IQCJ: variants seen among roughly 807,000 people sequenced by gnomAD.
IQCJ encodes IQ motif containing J.
A neutral mutation model predicts 11.0 loss-of-function variants in IQCJ; 9 were observed. That is an observed-to-expected ratio of 0.82 (90% CI 0.49 to 1.43). The LOEUF (loss-of-function observed/expected upper bound fraction) is 1.43, where lower values mean the gene tolerates loss of function less well. Ranked by LOEUF, IQCJ falls within the 40% of genes most tolerant of loss-of-function variation. IQCJ has a pLI of 0.00. For synonymous variants in IQCJ, 55 were observed against 51.3 expected (o/e 1.07, Z -0.31); for missense variants, 146 against 133.2 (o/e 1.10, Z -0.47).
At chr3:159,085,508 G>A (rs1040721619) in intron 1 of IQCJ, among the ~76,000 whole-genome samples, 1 of 150,774 alleles carries the variant, frequency 6.6e-6, no homozygotes, top group African/African-American at 2.4e-5. Flanking sequence ...CTTCCACAAT[G>A]GTTGAACTGG....
intron 1 of IQCJ, chr3:159,069,843 T>TATGTCACAA: frequency 3.3e-6 from 1 of 299,520 alleles, no homozygotes; most frequent in Non-Finnish European, 6.6e-6. Flanking sequence ...CCCTCCTTTC[T>TATGTCACAA]TGTGTGTGTG....
At chr3:159,123,032 G>A (rs1559994109) in intron 1 of IQCJ, among the ~76,000 whole-genome samples, 1 of 152,042 alleles carries the variant, frequency 6.6e-6, no homozygotes, top group Non-Finnish European at 1.5e-5. Context: ...AGAGGCAGGG[G>A]AACTAGAATT....
chr3:159,121,300 A>T (rs2108141338), intron 1 of IQCJ, among the ~76,000 whole-genome samples: 1 of 151,794 alleles, frequency 6.6e-6, no homozygotes, highest in African/African-American at 2.4e-5. Context: ...TGCCCGGCTA[A>T]TCAAAAAAAT....
intron 1 of IQCJ, among the ~76,000 whole-genome samples, chr3:159,111,003 G>A (rs1718589507): frequency 6.6e-6 from 1 of 152,188 alleles, no homozygotes; most frequent in African/African-American, 2.4e-5. Context: ...GAGGCTTTCA[G>A]CAAACCTTAT....
chr3:159,082,735 T>G (rs1277768666), intron 1 of IQCJ, among the ~76,000 whole-genome samples: 1 of 152,038 alleles, frequency 6.6e-6, no homozygotes, highest in Non-Finnish European at 1.5e-5. Context: ...CCCATCTAAG[T>G]TGTTTATGCA....
intron 1 of IQCJ, among the ~76,000 whole-genome samples, chr3:159,223,652 G>C: frequency 6.6e-6 from 1 of 152,096 alleles, no homozygotes; most frequent in East Asian, 1.9e-4. Flanking sequence ...ATATGTTCCA[G>C]CTCTGTCTAC....
intron 1 of IQCJ, among the ~76,000 whole-genome samples, chr3:159,071,209 A>G (rs1715539039): frequency 6.6e-6 from 1 of 152,038 alleles, no homozygotes; most frequent in South Asian, 2.1e-4. Context: ...TTAAAGTATA[A>G]TAGTACAGTA....
At chr3:159,109,132 A>C (rs1718455152) in intron 1 of IQCJ, among the ~76,000 whole-genome samples, 1 of 152,206 alleles carries the variant, frequency 6.6e-6, no homozygotes, top group East Asian at 1.9e-4. Flanking sequence ...GCTGAGTGGA[A>C]CCCAGGTTGA....
intron 1 of IQCJ, among the ~76,000 whole-genome samples, chr3:159,207,529 G>A (rs772136036): frequency 1.1e-3 from 168 of 151,998 alleles, no homozygotes; most frequent in Non-Finnish European, 2.1e-3. Context: ...AAAAATAGAT[G>A]ACTTTGAAAC....
At chr3:159,141,373 A>G (rs1252814849) in intron 1 of IQCJ, among the ~76,000 whole-genome samples, 5 of 152,200 alleles carry the variant, frequency 3.3e-5, no homozygotes, top group African/African-American at 1.2e-4. Context: ...AGGACCCAGT[A>G]GGCTGTATTA....
At chr3:159,210,060 G>C (rs1724869035) in intron 1 of IQCJ, among the ~76,000 whole-genome samples, 1 of 152,216 alleles carries the variant, frequency 6.6e-6, no homozygotes, top group African/African-American at 2.4e-5. Flanking sequence ...CATGAACCCA[G>C]AGGAAGGGAC....
chr3:159,144,838 A>C (rs901093749), intron 1 of IQCJ, among the ~76,000 whole-genome samples: 6 of 152,238 alleles, frequency 3.9e-5, no homozygotes, highest in African/African-American at 1.2e-4. Context: ...TCCTTAAAGA[A>C]TCAGATACGA....
intron 1 of IQCJ, among the ~76,000 whole-genome samples, chr3:159,147,466 A>G (rs1412357474): frequency 6.6e-6 from 1 of 152,190 alleles, no homozygotes; most frequent in Non-Finnish European, 1.5e-5. Flanking sequence ...AAGAATAAAT[A>G]TGAACTTCCA....
intron 1 of IQCJ, among the ~76,000 whole-genome samples, chr3:159,202,990 T>G (rs1724441671): frequency 6.6e-6 from 1 of 152,088 alleles, no homozygotes. Context: ...TAAGGTACAA[T>G]GGGTTTTTAA....
chr3:159,233,149 A>G (rs1472378690), intron 1 of IQCJ, among the ~76,000 whole-genome samples: 20 of 152,070 alleles, frequency 1.3e-4, no homozygotes, highest in Admixed American at 1.3e-3. Flanking sequence ...CAAGTTTTTG[A>G]GTTCATGATC....
At chr3:159,126,688 C>A (rs962756678) in intron 1 of IQCJ, among the ~76,000 whole-genome samples, 59 of 152,208 alleles carry the variant, frequency 3.9e-4, no homozygotes, top group Non-Finnish European at 5.9e-4. Context: ...TGGATGAGAG[C>A]ACACCCAATG....
chr3:159,184,781 G>C (rs1041608484), intron 1 of IQCJ, among the ~76,000 whole-genome samples: 1 of 152,128 alleles, frequency 6.6e-6, no homozygotes, highest in African/African-American at 2.4e-5. Flanking sequence ...TTCTGTTGTA[G>C]AGAACAGAAT....
chr3:159,191,104 C>A (rs1201389100), intron 1 of IQCJ, among the ~76,000 whole-genome samples: 1 of 152,170 alleles, frequency 6.6e-6, no homozygotes, highest in Non-Finnish European at 1.5e-5. Flanking sequence ...AAACGCAACT[C>A]CTCCTAGCCT....
At chr3:159,231,286 C>G (rs1726231985) in intron 1 of IQCJ, among the ~76,000 whole-genome samples, 1 of 152,168 alleles carries the variant, frequency 6.6e-6, no homozygotes, top group African/African-American at 2.4e-5. Flanking sequence ...GGAGACATTT[C>G]AAGAGGAGAT....
Sources: allele counts gnomAD v4.1 joint callset (sites outside exome capture counted in the v4.1 genomes callset), GRCh38; gene constraint gnomAD v4.1.1; transcripts MANE v1.5; gene names NCBI Gene and HGNC (gene_info 2026-07-23, HGNC 2026-07-21).